TARS2: variants seen among roughly 807,000 people sequenced by gnomAD.
TARS2 encodes threonyl-tRNA synthetase 2, mitochondrial.
In TARS2, 61 loss-of-function variants were observed where a neutral mutation model predicts 94.4. That is an observed-to-expected ratio of 0.65 (90% CI 0.53 to 0.80). The LOEUF is 0.80. Among genes scored for constraint, TARS2 ranks in the 30% least tolerant of loss-of-function variants. The pLI is 0.00. For synonymous variants in TARS2, 359 were observed against 353.4 expected (o/e 1.02, Z -0.18); for missense variants, 704 against 902.5 (o/e 0.78, Z 2.82).
At chr1:150,491,706 A>T (rs1435598254) in intron 6 of TARS2, 44 bp downstream of exon 6, 2 of 1,596,328 alleles carry the variant, frequency 1.3e-6, no homozygotes, top group Non-Finnish European at 1.7e-6. Context: ...GTGGGGAAGC[A>T]TTGAAGAAGG....
At chr1:150,497,425 T>C in intron 9 of TARS2, 105 bp from the exon 10 acceptor site, 1 of 1,024,696 alleles carries the variant, frequency 9.8e-7, no homozygotes, top group African/African-American at 1.6e-5. Flanking sequence ...TAGGTTGTGG[T>C]TGCAATCAGC....
Position 150,491,667 on chromosome 1 carries a change from G to C in TARS2, c.695+5G>C. 6.2e-7 allele frequency: 1 copy of C among 1,614,122 alleles called. No homozygotes were observed. Among genetic ancestry groups the C allele is most frequent in the Non-Finnish European group, 8.5e-7 (1 of 1,180,020 alleles). ...TCCAACAGCAACAGTATATGGGTAA[G>C]AGTTGTCAAGATTAAGGCAAACAGA... On this transcript the variant is annotated splice_donor_5th_base_variant and intron_variant, in intron 6 of 17. Transcript: ENST00000369064.
At position 150,506,917 on chromosome 1, in the gene TARS2, G is replaced by A. The variant is rs1192096384; in HGVS notation, c.2010G>A (p.Val670=). Reference sequence around the variant, plus strand: ...TTCCCAAACTTCCTCTACCTGCAGTGGTTGGCCAGAAAGAGCAAAGTAAGA... The same window carrying A: ...TTCCCAAACTTCCTCTACCTGCAGTAGTTGGCCAGAAAGAGCAAAGTAAGA... ...AQLAHYNFQF[V]VGQKEQSKRT... is the part of the protein sequence containing the mutation. The change falls in exon 18 of 18, where the codon GTG becomes GTA. Residue 670 remains valine (V), a splice_region_variant and synonymous_variant. Coordinates refer to ENST00000369064, the MANE Select transcript of TARS2 (RefSeq NM_025150.5). The A allele has an allele frequency of 6.2e-7, 1 of 1,614,044 alleles. No homozygotes were observed. Among genetic ancestry groups the A allele is most frequent in the Non-Finnish European group, 8.5e-7 (1 of 1,180,006 alleles).
chr1:150,490,112 G>GTTTT (rs1669315849), intron 3 of TARS2, among the ~76,000 whole-genome samples: 6 of 94,368 alleles, frequency 6.4e-5, no homozygotes, highest in African/African-American at 1.7e-4. Flanking sequence ...TTTCTATTCA[G>GTTTT]TCTTTTTTTT....
rs765812601 is a variant in TARS2 at position 150,504,330 on chromosome 1, T to C, written c.1618-5T>C. ...ATCTCGTGCCTTCCCATCTGTTTCC[T>C]GTAGATTGACGTGCACCTCCACGAT... On this transcript the variant is annotated splice_region_variant and splice_polypyrimidine_tract_variant and intron_variant, in intron 13 of 17. Coordinates refer to ENST00000369064, the MANE Select transcript of TARS2 (RefSeq NM_025150.5). 6.2e-5 allele frequency: 100 copies of C among 1,613,920 alleles called. No homozygotes were observed. Among genetic ancestry groups the C allele is most frequent in the Non-Finnish European group, 8.2e-5 (97 of 1,179,976 alleles).
At chr1:150,503,732 C>T (rs1394389594) in intron 13 of TARS2, among the ~76,000 whole-genome samples, 9 of 149,812 alleles carry the variant, frequency 6.0e-5, no homozygotes, top group Admixed American at 1.3e-4. Flanking sequence ...CACACATATA[C>T]ACACACATAC....
Position 150,497,633 on chromosome 1 carries a change from T to G in TARS2, c.1124T>G (p.Met375Arg), listed in dbSNP as rs1180063915. The change falls in exon 10 of 18, where the codon ATG becomes AGG. Residue 375 changes from methionine (M) to arginine (R), a missense_variant. By Grantham distance (91) the Met-to-Arg change is moderately conservative. Around this residue, in one of 3 missense-constraint regions of TARS2, gnomAD observed 466 missense variants for 609.5 expected, o/e 0.76. Transcript: ENST00000369064. ...SGHWEHYQED[M>R]FAVQPPGSDR... ...CACTGGGAGCATTATCAGGAAGACA[T>G]GTTTGCCGTGCAGCCCCCAGGCTCT... 1 of 1,613,978 alleles carries G rather than the reference T, an allele frequency of 6.2e-7. No homozygotes were observed. Among genetic ancestry groups the G allele is most frequent in the African/African-American group, 1.3e-5 (1 of 74,904 alleles).
chr1:150,500,860 C>G (rs2102499628), intron 13 of TARS2, among the ~76,000 whole-genome samples: 1 of 152,090 alleles, frequency 6.6e-6, no homozygotes, highest in African/African-American at 2.4e-5. Context: ...AAAATAAATG[C>G]TATGATGAGA....
chr1:150,490,476 T>G, intron 3 of TARS2, 125 bp from the exon 4 acceptor site: 1 of 1,394,038 alleles, frequency 7.2e-7, no homozygotes, highest in Non-Finnish European at 9.6e-7. Flanking sequence ...GATCCCCATT[T>G]TGTGGTAGTT....
At chr1:150,494,329 C>T (rs1306273968) in intron 7 of TARS2, among the ~76,000 whole-genome samples, 1 of 148,632 alleles carries the variant, frequency 6.7e-6, no homozygotes, top group African/African-American at 2.5e-5. Flanking sequence ...TGAGATTGTG[C>T]CACTGCATTC....
chr1:150,488,536 C>G (rs1669248046), intron 2 of TARS2: 1 of 168,988 alleles, frequency 5.9e-6, no homozygotes, highest in African/African-American at 2.4e-5. Flanking sequence ...ATAATTGATA[C>G]ATAATAATTG....
At chr1:150,496,722 C>T (rs1669678244) in intron 8 of TARS2, 88 bp from the exon 9 acceptor site, 11 of 1,599,722 alleles carry the variant, frequency 6.9e-6, no homozygotes, top group Non-Finnish European at 8.5e-6. Flanking sequence ...TTCAGTCACA[C>T]AGACTGAGCA....
At chr1:150,503,641 A>T (rs28541919) in intron 13 of TARS2, among the ~76,000 whole-genome samples, 1 of 100,346 alleles carries the variant, frequency 1.0e-5, no homozygotes, top group South Asian at 5.1e-4. Context: ...ATGTGTGTGT[A>T]TATATGTGTG....
intron 14 of TARS2, 41 bp downstream of exon 14, chr1:150,504,476 A>G: frequency 1.2e-6 from 2 of 1,603,916 alleles, no homozygotes; most frequent in Non-Finnish European, 1.7e-6. Context: ...TTGACAGTGC[A>G]TGGAATAAGT....
rs773977065 is a variant in TARS2, at chr1:150,498,640, T to C, written c.1377T>C (p.Ala459=). The C allele has an allele frequency of 2.5e-6, 4 of 1,612,862 alleles. No homozygotes were observed. Among genetic ancestry groups the C allele is most frequent in the Non-Finnish European group, 2.5e-6 (3 of 1,179,640 alleles). The change falls in exon 11 of 18, where the codon GCT becomes GCC. Residue 459 remains alanine (A), a synonymous_variant. Transcript: ENST00000369064. ...TRLRCFQQDD[A]HIFCTTDQLE... ...TGCGGTGCTTCCAGCAGGATGACGC[T>C]CACATCTTCTGTACAACAGATCAGG...
At chr1:150,505,397 G>C (rs939533243) in intron 16 of TARS2, among the ~76,000 whole-genome samples, 194 bp from the exon 17 acceptor site, 29 of 152,164 alleles carry the variant, frequency 1.9e-4, no homozygotes, top group Middle Eastern at 3.2e-3. Context: ...CAGAAAGATT[G>C]TGGGGTTGGG....
At chr1:150,498,393 G>T in intron 10 of TARS2, 109 bp from the exon 11 acceptor site, 2 of 1,351,916 alleles carry the variant, frequency 1.5e-6, no homozygotes, top group Admixed American at 2.6e-5. Context: ...AGGCTGGAGA[G>T]GGTTATAGCA....
In TARS2 at chr1:150,489,048, C is replaced by T. The variant is rs1306839874; in HGVS notation, c.348C>T (p.Asp116=). The stretch of plus-strand genomic sequence containing the variant: ...AGCGGCCCTTGGAGACAGATTCTGA[C>T]CTCAGATTTCTGACATTCGATTCCC... The part of the protein sequence containing the change: ...DLERPLETDS[D]LRFLTFDSPE... Residue 116 remains aspartate, a synonymous_variant, in exon 3 of 18, where the codon GAC becomes GAT. Coordinates refer to ENST00000369064, the MANE Select transcript of TARS2 (RefSeq NM_025150.5). The T allele has an allele frequency of 1.2e-6, 2 of 1,614,172 alleles. No homozygotes were observed. The highest frequency in any genetic ancestry group is 2.2e-5 in the East Asian group (1 of 44,888).
Position 150,491,522 on chromosome 1 carries a change from G to A in TARS2, c.630+11G>A, listed in dbSNP as rs587623885. The A allele has an allele frequency of 1.9e-6, 3 of 1,614,000 alleles. No homozygotes were observed. The highest frequency in any genetic ancestry group is 2.2e-5 in the East Asian group (1 of 44,888). Reference sequence around the variant, plus strand: ...CGCCAGTTGTTCAAGGTGGGGTGGAGGGAAGAGGTGGCTCTTCCAGGACAT... The same window carrying A: ...CGCCAGTTGTTCAAGGTGGGGTGGAAGGAAGAGGTGGCTCTTCCAGGACAT... On this transcript the variant is annotated intron_variant, in intron 5 of 17. Coordinates refer to ENST00000369064, the MANE Select transcript of TARS2 (RefSeq NM_025150.5).
Sources: gnomAD v4.1 joint callset for allele counts (sites outside exome capture counted in the v4.1 genomes callset) on GRCh38, gnomAD v4.1.1 for gene constraint, gnomAD v4.1.1 regional missense constraint, MANE v1.5 for transcripts, NCBI Gene and HGNC (gene_info 2026-07-23, HGNC 2026-07-21) for gene names.